The following PTPN13 variants were observed in gnomAD, a reference collection of about 807,000 sequenced individuals.
The protein encoded by PTPN13 is protein tyrosine phosphatase non-receptor type 13.
PTPN13 carries 191 observed loss-of-function variants against 284.0 expected under a neutral mutation model. The ratio of observed to expected loss-of-function variants is 0.67; its 90% CI spans 0.60 to 0.76. The LOEUF (loss-of-function observed/expected upper bound fraction) is 0.76. Among genes scored for constraint, PTPN13 ranks in the 30% least tolerant of loss-of-function variants. The pLI, the probability that PTPN13 is intolerant of heterozygous loss-of-function variation, is 0.00. For synonymous variants in PTPN13, 986 were observed against 1,022.3 expected, an observed-to-expected ratio of 0.96 and a Z score of 0.68; for missense variants, 2,797 against 2,939.9, an observed-to-expected ratio of 0.95 and a Z score of 1.12.
At chr4:86,659,765 G>A (rs532340738) in intron 2 of PTPN13, among the ~76,000 whole-genome samples, 132 of 151,768 alleles carry the variant, frequency 8.7e-4, no homozygotes, top group Middle Eastern at 6.8e-3. Context: ...GCGGTGAGCC[G>A]AGATGGTGAC....
intron 15 of PTPN13, among the ~76,000 whole-genome samples, chr4:86,741,034 A>G (rs1041232376): frequency 4.6e-5 from 7 of 152,222 alleles, no homozygotes; most frequent in African/African-American, 1.7e-4. Context: ...TATTGTTCAT[A>G]TCACTATCAG....
intron 40 of PTPN13, among the ~76,000 whole-genome samples, chr4:86,793,174 C>G (rs1049571779): frequency 1.3e-5 from 2 of 151,964 alleles, no homozygotes; most frequent in African/African-American, 2.4e-5. Context: ...ATCTACCAAG[C>G]CAATGGAAAG....
chr4:86,637,348 A>T, intron 2 of PTPN13, among the ~76,000 whole-genome samples: 1 of 152,200 alleles, frequency 6.6e-6, no homozygotes, highest in Non-Finnish European at 1.5e-5. Flanking sequence ...CATCATCCTG[A>T]TACCAAAGCC....
At chr4:86,659,810 A>G (rs1726269397) in intron 2 of PTPN13, among the ~76,000 whole-genome samples, 1 of 151,888 alleles carries the variant, frequency 6.6e-6, no homozygotes, top group Non-Finnish European at 1.5e-5. Context: ...AGTAAGACTC[A>G]AAGTCTCAAA....
intron 2 of PTPN13, among the ~76,000 whole-genome samples, chr4:86,659,963 T>C (rs1726289336): frequency 6.6e-6 from 1 of 152,140 alleles, no homozygotes; most frequent in African/African-American, 2.4e-5. Context: ...AAACAAAACA[T>C]TTTCATATGA....
At position 86,784,473 on chromosome 4, in the gene PTPN13, G is replaced by C; in HGVS notation, c.6033G>C (p.Gly2011=). The C allele has an allele frequency of 3.1e-6, 5 of 1,602,672 alleles. No individual in the cohort carries two copies. The highest frequency in any genetic ancestry group is 4.3e-6 in the Non-Finnish European group (5 of 1,175,766). The part of the protein sequence containing the change: ...TPNDSFSTVA[G]EEINEISYPK... ...TTGGTTTTATGCTTTAGGTTGCTGGGGAAGAAATAAATGAAATATCGTACC... is the reference window on the plus strand; with the variant it reads ...TTGGTTTTATGCTTTAGGTTGCTGGCGAAGAAATAAATGAAATATCGTACC... The change falls in exon 38 of 48, where the codon GGG becomes GGC. Residue 2011 remains glycine (G), a synonymous_variant. Transcript: ENST00000411767.
In PTPN13 at chr4:86,803,937, G is replaced by A. The variant is rs1454681012; in HGVS notation, c.6654+80G>A. On this transcript the variant is annotated intron_variant, in intron 43 of 47. Transcript: ENST00000411767. ...GGAAAATGTATCTTTACTGGCCCAA[G>A]ATTAGAAGAATTTTTGAAAATTTTC... The A allele has an allele frequency of 4.1e-6, 6 of 1,469,382 alleles. No homozygotes were observed. In the East Asian group the frequency reaches 1.1e-4, roughly 28 times the overall value. The allele number at this position is 1,469,382 out of a possible 1,614,324, so 91.0% of individuals were successfully genotyped here.
chr4:86,783,235 T>C lies in PTPN13; in HGVS notation c.6024+973T>C, dbSNP rs1373854373. Among the ~76,000 whole-genome samples, 3 of 152,260 alleles carry C rather than the reference T, an allele frequency of 2.0e-5. No homozygotes were observed. The East Asian group carries it at 5.8e-4, about 29-fold the overall frequency. On this transcript the variant is annotated intron_variant, in intron 37 of 47. Coordinates refer to ENST00000411767, the MANE Select transcript of PTPN13 (RefSeq NM_080683.3). Reference sequence around the variant, plus strand: ...ATAATTACAGCAGAACATTTTAAGGTAGTAATGATTGAGACACAAAAGCAA... The same window carrying C: ...ATAATTACAGCAGAACATTTTAAGGCAGTAATGATTGAGACACAAAAGCAA...
At chr4:86,692,730 A>T (rs908770021) in intron 5 of PTPN13, among the ~76,000 whole-genome samples, 1 of 152,136 alleles carries the variant, frequency 6.6e-6, no homozygotes, top group African/African-American at 2.4e-5. Context: ...TTTTAAAGGG[A>T]ACTTAAAAGA....
intron 35 of PTPN13, among the ~76,000 whole-genome samples, chr4:86,777,029 T>C (rs1161692546): frequency 6.6e-6 from 1 of 152,242 alleles, no homozygotes; most frequent in African/African-American, 2.4e-5. Flanking sequence ...CTCAACCTTA[T>C]AACAGTTTCA....
At chr4:86,793,215 CTGATAAAACAGACT>C (rs1377512249) in intron 40 of PTPN13, among the ~76,000 whole-genome samples, 1 of 152,116 alleles carries the variant, frequency 6.6e-6, no homozygotes, top group Non-Finnish European at 1.5e-5. Flanking sequence ...ATCCTAGTCT[CTGATAAAACAGACT>C]TTAAACCAAC....
chr4:86,622,591 G>A (rs1304566437), intron 1 of PTPN13, among the ~76,000 whole-genome samples: 1 of 152,150 alleles, frequency 6.6e-6, no homozygotes, highest in Non-Finnish European at 1.5e-5. Context: ...TATAGACCTT[G>A]TTTGAATCCT....
chr4:86,725,982 A>T (rs913401943), intron 10 of PTPN13, among the ~76,000 whole-genome samples: 1 of 149,404 alleles, frequency 6.7e-6, no homozygotes, highest in African/African-American at 2.4e-5. Context: ...ATCCATTGTG[A>T]ATTAATTTTT....
chr4:86,646,473 A>AT (rs1204228957), intron 2 of PTPN13, among the ~76,000 whole-genome samples: 2 of 151,858 alleles, frequency 1.3e-5, no homozygotes, highest in Non-Finnish European at 2.9e-5. Context: ...ATTTTCTCGT[A>AT]TTTTAGTAAA....
At chr4:86,735,402 A>G (rs773693033) in intron 14 of PTPN13, among the ~76,000 whole-genome samples, 192 bp from the exon 15 acceptor site, 5 of 152,234 alleles carry the variant, frequency 3.3e-5, no homozygotes, top group Non-Finnish European at 5.9e-5. Flanking sequence ...CTTGCTGATC[A>G]GTTCAGTCAT....
At chr4:86,774,117 TCTGTCTCTG>T (rs1321963323) in intron 32 of PTPN13, among the ~76,000 whole-genome samples, 1 of 152,160 alleles carries the variant, frequency 6.6e-6, no homozygotes, top group African/African-American at 2.4e-5. Context: ...AGGAGTAAAT[TCTGTCTCTG>T]CTGTCTCTAG....
At chr4:86,717,258 G>A (rs1733141717) in intron 9 of PTPN13, 141 bp downstream of exon 9, 4 of 584,640 alleles carry the variant, frequency 6.8e-6, no homozygotes, top group South Asian at 4.7e-5. Flanking sequence ...GCGCAATCTC[G>A]GCTCACTGCA....
rs1429409938 is a variant in PTPN13 at position 86,620,323 on chromosome 4, A to G, written c.-5-14929A>G. 3.3e-5 allele frequency among the ~76,000 whole-genome samples: 5 copies of G among 152,102 alleles called. No individual in the cohort carries two copies. The East Asian group carries it at 7.7e-4, about 24-fold the overall frequency. ...TGGGACCACAGGCACACACCACCAT[A>G]GCCAGCTAATTTTTGTATTTTTTTA... On this transcript the variant is annotated intron_variant, in intron 1 of 47. Coordinates refer to ENST00000411767, the MANE Select transcript of PTPN13 (RefSeq NM_080683.3).
In PTPN13 at chr4:86,762,719, A is replaced by T. The variant is rs1738837160; in HGVS notation, c.3554-8A>T. The T allele has an allele frequency of 1.3e-6, 2 of 1,575,632 alleles. No individual in the cohort carries two copies. The highest frequency in any genetic ancestry group is 2.7e-5 in the African/African-American group (2 of 74,118). On this transcript the variant is annotated splice_region_variant and splice_polypyrimidine_tract_variant and intron_variant, in intron 23 of 47. Transcript: ENST00000411767. Reference sequence around the variant, plus strand: ...TTGTTACTCTCATTGATGGATTTTGACTTTTAGTGCCTTCTACTCCTGTGC... The same window carrying T: ...TTGTTACTCTCATTGATGGATTTTGTCTTTTAGTGCCTTCTACTCCTGTGC...
Sources: allele counts gnomAD v4.1 joint callset (sites outside exome capture counted in the v4.1 genomes callset), GRCh38; gene constraint gnomAD v4.1.1; transcripts MANE v1.5; gene names NCBI Gene and HGNC (gene_info 2026-07-23, HGNC 2026-07-21).